The following GABRB1 variants were observed in gnomAD, a reference collection of about 807,000 sequenced individuals.
GABRB1 encodes the protein gamma-aminobutyric acid receptor subunit beta-1.
In GABRB1, 17 loss-of-function variants were observed where a neutral mutation model predicts 51.6. The observed-to-expected ratio is 0.33, with a 90% CI of 0.23 to 0.49. GABRB1 has a LOEUF of 0.49. Ranked by LOEUF, GABRB1 falls within the 20% of genes least tolerant of loss-of-function variation. The pLI is 0.99. For synonymous variants in GABRB1, 247 were observed against 218.9 expected (o/e 1.13, Z -1.14); for missense variants, 410 against 600.6 (o/e 0.68, Z 3.32).
chr4:47,308,188 C>A (rs1015111017), intron 4 of GABRB1, among the ~76,000 whole-genome samples: 2 of 151,908 alleles, frequency 1.3e-5, no homozygotes, highest in Non-Finnish European at 2.9e-5. Flanking sequence ...AAATTACAAT[C>A]CTGATGCCGA....
At chr4:47,116,470 T>C (rs1041651090) in intron 3 of GABRB1, among the ~76,000 whole-genome samples, 2 of 152,208 alleles carry the variant, frequency 1.3e-5, no homozygotes, top group Non-Finnish European at 2.9e-5. Flanking sequence ...TATAACATAA[T>C]GTTTAGTACT....
chr4:47,350,689 TA>T (rs1726295170), intron 5 of GABRB1, among the ~76,000 whole-genome samples: 2 of 152,250 alleles, frequency 1.3e-5, no homozygotes, highest in African/African-American at 4.8e-5. Flanking sequence ...GCTATTGAAT[TA>T]GCACATATAC....
intron 3 of GABRB1, among the ~76,000 whole-genome samples, chr4:47,047,848 A>T (rs914277243): frequency 2.0e-5 from 3 of 152,168 alleles, no homozygotes; most frequent in Admixed American, 6.6e-5. Flanking sequence ...TCCCTCTGAG[A>T]CAATCTTAAC....
At chr4:47,268,265 A>C (rs775161560) in intron 4 of GABRB1, among the ~76,000 whole-genome samples, 1 of 152,180 alleles carries the variant, frequency 6.6e-6, no homozygotes, top group Non-Finnish European at 1.5e-5. Flanking sequence ...GAAATAGTAA[A>C]CTCACTCTGG....
chr4:47,031,707 T>C lies in GABRB1; in HGVS notation c.56T>C (p.Ile19Thr). 3 of 1,613,876 alleles carry C rather than the reference T, an allele frequency of 1.9e-6. No homozygotes were observed. The highest frequency in any genetic ancestry group is 2.5e-6 in the Non-Finnish European group (3 of 1,179,756). Residue 19 changes from isoleucine to threonine, a missense_variant, in exon 1 of 9, where the codon ATT becomes ACT. Physicochemically the swap from Ile to Thr is moderately conservative, Grantham distance 89. This residue lies in a region of GABRB1 where 56 missense variants were observed against 54.8 expected (regional missense o/e 1.02). Coordinates refer to ENST00000295454, the MANE Select transcript of GABRB1 (RefSeq NM_000812.4). ...SLGLLSFPVM[I>T]TMVCCAHSTN... Reference sequence around the variant, plus strand: ...GGGCTTCTCTCTTTCCCTGTGATGATTACCATGGTCTGTTGTGCACACAGG... The same window carrying C: ...GGGCTTCTCTCTTTCCCTGTGATGACTACCATGGTCTGTTGTGCACACAGG...
chr4:47,306,490 G>C (rs867012199), intron 4 of GABRB1, among the ~76,000 whole-genome samples: 2 of 151,588 alleles, frequency 1.3e-5, no homozygotes, highest in Non-Finnish European at 2.9e-5. Flanking sequence ...GAGAGAAAAA[G>C]GAAGAAAGGA....
chr4:47,070,283 G>T (rs1398724572), intron 3 of GABRB1, among the ~76,000 whole-genome samples: 1 of 152,038 alleles, frequency 6.6e-6, no homozygotes, highest in Non-Finnish European at 1.5e-5. Flanking sequence ...AGATCCACCT[G>T]CCTTGGCCTC....
At chr4:47,019,526 A>G (rs1019264268) in intron 1 of GABRB1, among the ~76,000 whole-genome samples, 6 of 150,618 alleles carry the variant, frequency 4.0e-5, no homozygotes, top group Non-Finnish European at 8.8e-5. Flanking sequence ...AAAGTCCAAG[A>G]TAAAGGTGTC....
At chr4:47,143,457 A>C (rs1281907898) in intron 3 of GABRB1, among the ~76,000 whole-genome samples, 1 of 151,924 alleles carries the variant, frequency 6.6e-6, no homozygotes, top group African/African-American at 2.4e-5. Context: ...ACAGGCACAC[A>C]CACATACACA....
chr4:47,368,431 G>C lies in GABRB1; in HGVS notation c.545-34887G>C, dbSNP rs528670644. On this transcript the variant is annotated intron_variant, in intron 5 of 8. Transcript: ENST00000295454. ...GAGGCACTTGTGGTTGTCATAACAG[G>C]GGAGGGGAGGTGCTACTGGCATTGA... 3.9e-4 allele frequency among the ~76,000 whole-genome samples: 59 copies of C among 152,260 alleles called. 2 individuals carry two copies. The East Asian group carries it at 0.011, about 28-fold the overall frequency.
At chr4:47,021,585 A>G (rs564197365) in intron 1 of GABRB1, among the ~76,000 whole-genome samples, 1 of 152,112 alleles carries the variant, frequency 6.6e-6, no homozygotes, top group African/African-American at 2.4e-5. Context: ...GAATATTCCA[A>G]CTTTTTTTTA....
At chr4:47,388,849 G>A (rs1429654071) in intron 5 of GABRB1, among the ~76,000 whole-genome samples, 3 of 152,122 alleles carry the variant, frequency 2.0e-5, no homozygotes, top group Admixed American at 1.3e-4. Context: ...TCTCAAAGAT[G>A]GGAGGTGTTA....
At chr4:47,151,569 C>T (rs1049514660) in intron 3 of GABRB1, among the ~76,000 whole-genome samples, 1 of 151,974 alleles carries the variant, frequency 6.6e-6, no homozygotes, top group South Asian at 2.1e-4. Flanking sequence ...TAGTCATAGT[C>T]CACCTAAGGA....
intron 4 of GABRB1, among the ~76,000 whole-genome samples, chr4:47,210,043 A>G (rs543442519): frequency 2.0e-5 from 3 of 152,116 alleles, no homozygotes; most frequent in Non-Finnish European, 4.4e-5. Context: ...GGCCTGGTTC[A>G]CTGCTTATTC....
intron 3 of GABRB1, among the ~76,000 whole-genome samples, chr4:47,142,717 G>A (rs906075472): frequency 1.3e-5 from 2 of 151,758 alleles, no homozygotes; most frequent in African/African-American, 4.8e-5. Flanking sequence ...GAATTTAGAA[G>A]TAATAAATGA....
chr4:47,129,593 G>A (rs1716315589), intron 3 of GABRB1, among the ~76,000 whole-genome samples: 5 of 152,122 alleles, frequency 3.3e-5, no homozygotes, highest in Admixed American at 3.3e-4. Flanking sequence ...ATAATTATAT[G>A]AGCAATTGTA....
intron 3 of GABRB1, among the ~76,000 whole-genome samples, chr4:47,038,119 C>A (rs1560506090): frequency 1.3e-5 from 2 of 152,126 alleles, no homozygotes; most frequent in African/African-American, 4.8e-5. Flanking sequence ...ATAAAAAAAT[C>A]TTTGTCTCCA....
At chr4:47,417,852 A>G (rs557812974) in intron 8 of GABRB1, among the ~76,000 whole-genome samples, 60 of 152,362 alleles carry the variant, frequency 3.9e-4, no homozygotes, top group African/African-American at 1.2e-3. Context: ...ACTGAAAACA[A>G]GATTATATTT....
chr4:47,378,333 G>C (rs549897385), intron 5 of GABRB1, among the ~76,000 whole-genome samples: 2 of 152,204 alleles, frequency 1.3e-5, no homozygotes. Flanking sequence ...CGGCAGGGCC[G>C]GCCGGCCGCT....
Sources: gnomAD v4.1 joint callset for allele counts (sites outside exome capture counted in the v4.1 genomes callset) on GRCh38, gnomAD v4.1.1 for gene constraint, gnomAD v4.1.1 regional missense constraint, MANE v1.5 for transcripts, NCBI Gene and HGNC (gene_info 2026-07-23, HGNC 2026-07-21) for gene names.